COL13A1: variants seen among roughly 807,000 people sequenced by gnomAD.
COL13A1 encodes the protein collagen type XIII alpha 1 chain, also known as collagen alpha-1(XIII) chain.
Under a neutral mutation model 130.9 loss-of-function variants are expected in COL13A1, and 89 were observed. The ratio of observed to expected loss-of-function variants is 0.68; its 90% confidence interval spans 0.57 to 0.81. The LOEUF (loss-of-function observed/expected upper bound fraction) is 0.81, where lower values mean the gene tolerates loss of function less well. Among genes scored for constraint, COL13A1 ranks in the 30% least tolerant of loss-of-function variants. COL13A1 has a pLI of 0.00. For synonymous variants in COL13A1, 402 were observed against 341.6 expected, an observed-to-expected ratio of 1.18 and a Z score of -1.95; for missense variants, 879 against 934.6, an observed-to-expected ratio of 0.94 and a Z score of 0.78.
Position 69,949,935 on chromosome 10 carries a change from T to A in COL13A1, c.2058+2593T>A, listed in dbSNP as rs1359410310. ...GGTGGGGGGTGCACGCATGTTTGTGTGTGTGTGTGTGTGCGTGTGTTTGTG... is the reference window on the plus strand; with the variant it reads ...GGTGGGGGGTGCACGCATGTTTGTGAGTGTGTGTGTGTGCGTGTGTTTGTG... On this transcript the variant is annotated intron_variant, in intron 38 of 40. Coordinates refer to ENST00000645393, the MANE Select transcript of COL13A1 (RefSeq NM_001368882.1). Among the ~76,000 whole-genome samples the A allele has an allele frequency of 1.3e-4, 18 of 143,748 alleles. No homozygotes were observed. The East Asian group carries it at 3.9e-3, about 31-fold the overall frequency. The allele number at this position is 143,748 out of a possible 152,430, so 94.3% of individuals were successfully genotyped here. A position where few individuals can be genotyped will look rare whatever the true frequency, so the allele number is the denominator to read the frequency against.
chr10:69,906,368 G>C (rs1326275042), intron 17 of COL13A1, among the ~76,000 whole-genome samples: 3 of 152,182 alleles, frequency 2.0e-5, no homozygotes, highest in African/African-American at 7.2e-5. Context: ...CACTCATGCA[G>C]TCACACCACA....
At chr10:69,822,672 C>T (rs1388281674) in intron 2 of COL13A1, among the ~76,000 whole-genome samples, 2 of 152,200 alleles carry the variant, frequency 1.3e-5, no homozygotes, top group Non-Finnish European at 2.9e-5. Flanking sequence ...GGGCCTGATA[C>T]TCTTTGAACC....
intron 1 of COL13A1, among the ~76,000 whole-genome samples, chr10:69,813,948 C>T (rs2132346402): frequency 6.6e-6 from 1 of 152,366 alleles, no homozygotes; most frequent in South Asian, 2.1e-4. Flanking sequence ...CCCACCTCCT[C>T]CTGGGACCAC....
At chr10:69,932,474 G>T in intron 30 of COL13A1, 86 bp from the exon 31 acceptor site, 1 of 927,600 alleles carries the variant, frequency 1.1e-6, no homozygotes, top group Non-Finnish European at 1.8e-6. Context: ...TCACGTCCCA[G>T]TCTAGTTTGT....
intron 2 of COL13A1, among the ~76,000 whole-genome samples, chr10:69,842,677 T>C (rs1851925480): frequency 6.6e-6 from 1 of 152,224 alleles, no homozygotes. Flanking sequence ...ACTACACTCT[T>C]GTCTCCAGTA....
intron 19 of COL13A1, among the ~76,000 whole-genome samples, chr10:69,918,843 C>T (rs2064254586): frequency 6.6e-6 from 1 of 152,212 alleles, no homozygotes; most frequent in Non-Finnish European, 1.5e-5. Flanking sequence ...ACCTGCCACA[C>T]CCCTCACCTG....
chr10:69,813,456 C>G (rs1843596591), intron 1 of COL13A1, among the ~76,000 whole-genome samples: 2 of 152,182 alleles, frequency 1.3e-5, no homozygotes, highest in Admixed American at 1.3e-4. Context: ...GGGGCCACAT[C>G]TGTGTGTGGT....
At chr10:69,819,294 G>A (rs1845428410) in intron 1 of COL13A1, among the ~76,000 whole-genome samples, 1 of 152,210 alleles carries the variant, frequency 6.6e-6, no homozygotes, top group Non-Finnish European at 1.5e-5. Context: ...GAAGTCTCAG[G>A]AAATGTGAAA....
Position 69,858,196 on chromosome 10 carries a change from G to A in COL13A1, c.365-9602G>A, listed in dbSNP as rs139527962. On this transcript the variant is annotated intron_variant, in intron 2 of 40. Coordinates refer to ENST00000645393, the MANE Select transcript of COL13A1 (RefSeq NM_001368882.1). ...GCCATTCTTCTGGTTAGAACACAGT[G>A]GGCAGTATCATATGCTTCTGGGATT... Among the ~76,000 whole-genome samples the A allele has an allele frequency of 2.8e-3, 431 of 151,828 alleles. 2 individuals carry two copies. Among genetic ancestry groups the A allele is most frequent in the African/African-American group, 9.6e-3 (399 of 41,422 alleles).
intron 1 of COL13A1, among the ~76,000 whole-genome samples, chr10:69,822,080 G>C (rs1249492375): frequency 6.6e-6 from 1 of 152,200 alleles, no homozygotes; most frequent in Non-Finnish European, 1.5e-5. Context: ...ATGAGCATGA[G>C]GTGCAGGAAG....
rs10532425 is a variant in COL13A1 at position 69,877,699 on chromosome 10, T to TCACACACA, written c.436-300_436-293dup. ...GTCTCTCTCTCTCTCTCTCTCTCTC[T>TCACACACA]CACACACACACACACACACACACAC... On this transcript the variant is annotated intron_variant, in intron 5 of 40. Transcript: ENST00000645393. 3.8e-4 allele frequency: 33 copies of TCACACACA among 86,854 alleles called. 1 individual carries two copies. Among genetic ancestry groups the TCACACACA allele is most frequent in the South Asian group, 2.5e-3 (5 of 2,004 alleles). 5.4% of individuals were successfully genotyped at this position (86,854 alleles called of 1,614,324 possible). A position where few individuals can be genotyped will look rare whatever the true frequency, so the allele number is the denominator to read the frequency against.
intron 4 of COL13A1, among the ~76,000 whole-genome samples, chr10:69,873,514 G>A (rs1248942099): frequency 6.6e-6 from 1 of 152,186 alleles, no homozygotes; most frequent in Non-Finnish European, 1.5e-5. Flanking sequence ...GACAGAGCAA[G>A]GGCTGCTGCA....
chr10:69,837,782 C>G (rs1160596447), intron 2 of COL13A1, among the ~76,000 whole-genome samples: 3 of 146,112 alleles, frequency 2.1e-5, no homozygotes, highest in Non-Finnish European at 4.5e-5. Context: ...GAACGGCGAT[C>G]CTGCCAAATA....
At chr10:69,945,844 G>C in intron 37 of COL13A1, 120 bp downstream of exon 37, 1 of 1,253,912 alleles carries the variant, frequency 8.0e-7, no homozygotes, top group Non-Finnish European at 1.1e-6. Flanking sequence ...AGGCCGAGGC[G>C]GGCGCATCAC....
At chr10:69,855,778 G>GGGGAGGGATGCAATA (rs1554900916) in intron 2 of COL13A1, among the ~76,000 whole-genome samples, 1 of 148,284 alleles carries the variant, frequency 6.7e-6, no homozygotes, top group Non-Finnish European at 1.5e-5. Flanking sequence ...CAGTAGAAGG[G>GGGGAGGGATGCAATA]GGGAGGGATG....
In COL13A1 at chr10:69,904,968, C is replaced by T. The variant is rs773458076; in HGVS notation, c.885+9C>T. The T allele has an allele frequency of 6.4e-7, 1 of 1,554,280 alleles. No individual in the cohort carries two copies. The highest frequency in any genetic ancestry group is 2.4e-5 in the East Asian group (1 of 42,260). On this transcript the variant is annotated intron_variant, in intron 16 of 40. Coordinates refer to ENST00000645393, the MANE Select transcript of COL13A1 (RefSeq NM_001368882.1). The stretch of plus-strand genomic sequence containing the variant: ...GGCCTCCTGGACCAAAGGTGAGTGT[C>T]CTTCTGGGTGATGTGTTGAACAGGT...
rs1237245603 is a variant in COL13A1 at position 69,825,223 on chromosome 10, G to A, written c.364+2785G>A. ...GAATTCAGTTCTAACACTCTGGAATGTCTGAACATCCTCAAATTCGCAAAG... is the reference window on the plus strand; with the variant it reads ...GAATTCAGTTCTAACACTCTGGAATATCTGAACATCCTCAAATTCGCAAAG... On this transcript the variant is annotated intron_variant, in intron 2 of 40. Coordinates refer to ENST00000645393, the MANE Select transcript of COL13A1 (RefSeq NM_001368882.1). Among the ~76,000 whole-genome samples the A allele has an allele frequency of 6.6e-5, 10 of 152,344 alleles. 1 individual carries two copies. In the South Asian group the frequency reaches 8.3e-4, roughly 13 times the overall value.
intron 2 of COL13A1, among the ~76,000 whole-genome samples, chr10:69,835,103 A>G (rs1849696326): frequency 6.6e-6 from 1 of 152,138 alleles, no homozygotes; most frequent in Non-Finnish European, 1.5e-5. Flanking sequence ...AGGACTCACA[A>G]TCCTGCCCGC....
At chr10:69,856,800 A>T (rs946704268) in intron 2 of COL13A1, among the ~76,000 whole-genome samples, 1 of 152,182 alleles carries the variant, frequency 6.6e-6, no homozygotes, top group East Asian at 1.9e-4. Flanking sequence ...CCTTGAGAAG[A>T]TATCTCTAGG....
Sources: gnomAD v4.1 joint callset for allele counts (sites outside exome capture counted in the v4.1 genomes callset) on GRCh38, gnomAD v4.1.1 for gene constraint, MANE v1.5 for transcripts, NCBI Gene and HGNC (gene_info 2026-07-23, HGNC 2026-07-21) for gene names.